ATAD1: variants seen among roughly 807,000 people sequenced by gnomAD.
ATAD1 encodes the protein outer mitochondrial transmembrane helix translocase.
In ATAD1, 18 loss-of-function variants were observed where a neutral mutation model predicts 42.7. The ratio of observed to expected loss-of-function variants is 0.42; its 90% CI spans 0.29 to 0.63. ATAD1 has a LOEUF of 0.63. ATAD1 is among the 20% of genes least tolerant of loss of function. ATAD1 has a pLI of 0.19. For missense variants in ATAD1, 294 were observed against 440.4 expected (o/e 0.67, Z 2.98); for synonymous variants, 132 against 143.1 (o/e 0.92, Z 0.55).
intron 1 of ATAD1, among the ~76,000 whole-genome samples, chr10:87,839,171 C>T (rs1347629372): frequency 6.6e-6 from 1 of 152,150 alleles, no homozygotes; most frequent in East Asian, 1.9e-4. Flanking sequence ...AGTTGTAACA[C>T]TTCAAATATA....
At chr10:87,799,810 T>C (rs1446422356) in intron 2 of ATAD1, among the ~76,000 whole-genome samples, 4 of 151,848 alleles carry the variant, frequency 2.6e-5, no homozygotes, top group African/African-American at 9.7e-5. Context: ...GTGTGTCCTT[T>C]TTAAAAAGGT....
chr10:87,785,285 G>A (rs564140117), intron 4 of ATAD1, among the ~76,000 whole-genome samples: 4 of 151,990 alleles, frequency 2.6e-5, no homozygotes, highest in African/African-American at 9.6e-5. Flanking sequence ...AAGGGATCTA[G>A]AGGTTGGGAT....
intron 2 of ATAD1, among the ~76,000 whole-genome samples, chr10:87,805,098 T>C (rs1466896858): frequency 6.6e-6 from 1 of 152,204 alleles, no homozygotes; most frequent in East Asian, 1.9e-4. Flanking sequence ...TAAAATCACA[T>C]GGGGCCCACT....
chr10:87,788,649 T>C (rs1855948048), intron 4 of ATAD1, among the ~76,000 whole-genome samples: 1 of 152,200 alleles, frequency 6.6e-6, no homozygotes, highest in African/African-American at 2.4e-5. Flanking sequence ...AATCACCCAA[T>C]TACCTGGTCT....
chr10:87,758,624 CAAAG>C (rs1014355326), intron 8 of ATAD1, among the ~76,000 whole-genome samples: 1 of 151,904 alleles, frequency 6.6e-6, no homozygotes, highest in Non-Finnish European at 1.5e-5. Context: ...GAAATAAAAA[CAAAG>C]AAAAGCAGGA....
chr10:87,784,792 T>A, intron 4 of ATAD1, 122 bp from the exon 5 acceptor site: 1 of 869,386 alleles, frequency 1.2e-6, no homozygotes, highest in Non-Finnish European at 1.7e-6. Flanking sequence ...TGCTTTTATT[T>A]AATCTTGTTT....
At chr10:87,782,544 T>C (rs138038822) in intron 5 of ATAD1, among the ~76,000 whole-genome samples, 172 of 152,302 alleles carry the variant, frequency 1.1e-3, no homozygotes, top group Non-Finnish European at 2.1e-3. Context: ...AGTTCTAAGT[T>C]CTCTGTGAAT....
At chr10:87,797,451 T>C (rs1025820988) in intron 2 of ATAD1, among the ~76,000 whole-genome samples, 3 of 150,784 alleles carry the variant, frequency 2.0e-5, no homozygotes, top group African/African-American at 2.5e-5. Context: ...CCATCTGTAG[T>C]ACCAAAAAAT....
intron 1 of ATAD1, among the ~76,000 whole-genome samples, chr10:87,827,812 T>C (rs1857756770): frequency 6.6e-6 from 1 of 152,120 alleles, no homozygotes. Context: ...GAGTCACACA[T>C]CTCTCACTTT....
intron 7 of ATAD1, among the ~76,000 whole-genome samples, chr10:87,768,916 T>C (rs1340671205): frequency 6.6e-6 from 1 of 152,000 alleles, no homozygotes. Context: ...GACCCGTCTG[T>C]AAAAAAATTC....
upstream of ATAD1, among the ~76,000 whole-genome samples, chr10:87,821,310 C>T (rs886442681): frequency 3.9e-5 from 6 of 152,014 alleles, no homozygotes; most frequent in Middle Eastern, 3.4e-3. Context: ...GGTGGATCAC[C>T]TGAGGTGAGG....
Position 87,755,377 on chromosome 10 carries a change from C to T in ATAD1, c.966-570G>A, listed in dbSNP as rs115932522. 1.8e-3 allele frequency among the ~76,000 whole-genome samples: 279 copies of T among 152,200 alleles called. 3 individuals carry two copies. Among genetic ancestry groups the T allele is most frequent in the African/African-American group, 6.3e-3 (260 of 41,536 alleles). On this transcript the variant is annotated intron_variant, in intron 9 of 9. Transcript: ENST00000680024. ...GGCTCCCTTGTAATTTACAGATATT[C>T]AGGGAAAAACATTCAGGAAAAAGTT...
chr10:87,836,713 G>T (rs1160322337), intron 1 of ATAD1, among the ~76,000 whole-genome samples: 4 of 152,136 alleles, frequency 2.6e-5, no homozygotes, highest in Non-Finnish European at 5.9e-5. Flanking sequence ...GTAAGTTTAT[G>T]TTTTTTACCA....
chr10:87,787,262 C>A (rs928826784), intron 4 of ATAD1, among the ~76,000 whole-genome samples: 2 of 152,138 alleles, frequency 1.3e-5, no homozygotes, highest in South Asian at 4.1e-4. Flanking sequence ...AAAATTTAAA[C>A]TCCTTTTTAA....
chr10:87,817,801 C>A (rs1729437106), intron 1 of ATAD1: 8 of 985,488 alleles, frequency 8.1e-6, no homozygotes, highest in Non-Finnish European at 9.6e-6. Flanking sequence ...AGACCTGGTT[C>A]ATTCCAGCCG....
chr10:87,817,861 C>T (rs1350233348), intron 1 of ATAD1: 1 of 985,462 alleles, frequency 1.0e-6, no homozygotes, highest in Admixed American at 6.1e-5. Flanking sequence ...CGACCTCAAA[C>T]CCCCACAGTG....
intron 1 of ATAD1, among the ~76,000 whole-genome samples, chr10:87,831,722 A>G (rs1857833076): frequency 1.3e-5 from 2 of 152,206 alleles, no homozygotes; most frequent in Admixed American, 1.3e-4. Flanking sequence ...TAATTTGGCT[A>G]TTTAATCAGT....
At chr10:87,829,180 G>A (rs1354391869) in intron 1 of ATAD1, among the ~76,000 whole-genome samples, 6 of 151,892 alleles carry the variant, frequency 4.0e-5, no homozygotes, top group Non-Finnish European at 8.8e-5. Flanking sequence ...CTGCTGATGG[G>A]GAATCTGGGG....
intron 9 of ATAD1, among the ~76,000 whole-genome samples, chr10:87,755,165 T>C (rs1011483254): frequency 1.1e-4 from 17 of 152,248 alleles, no homozygotes; most frequent in Admixed American, 1.1e-3. Context: ...GAAATGGGAA[T>C]ATAATTCCAA....
Sources: allele counts gnomAD v4.1 joint callset (sites outside exome capture counted in the v4.1 genomes callset), GRCh38; gene constraint gnomAD v4.1.1; transcripts MANE v1.5; gene names NCBI Gene and HGNC (gene_info 2026-07-23, HGNC 2026-07-21).